Variants in ROBO1 observed in about 807,000 individuals in gnomAD.
ROBO1 encodes roundabout homolog 1.
In ROBO1, 149 loss-of-function variants were observed where a neutral mutation model predicts 195.9. The ratio of observed to expected loss-of-function variants is 0.76; its 90% CI spans 0.67 to 0.87. The LOEUF (loss-of-function observed/expected upper bound fraction) is 0.87. ROBO1 is among the 40% of genes least tolerant of loss of function. ROBO1 has a pLI of 0.00. For missense variants in ROBO1, 1,933 were observed against 2,068.3 expected, an observed-to-expected ratio of 0.93 and a Z score of 1.27; for synonymous variants, 816 against 733.2, an observed-to-expected ratio of 1.11 and a Z score of -1.82.
chr3:78,675,523 C>T (rs1414681894), intron 10 of ROBO1, among the ~76,000 whole-genome samples: 1 of 152,162 alleles, frequency 6.6e-6, no homozygotes. Flanking sequence ...ATATCCCGCA[C>T]TTGGCTCGGA....
intron 2 of ROBO1, among the ~76,000 whole-genome samples, chr3:79,257,049 G>A (rs894020893): frequency 5.9e-5 from 9 of 152,088 alleles, no homozygotes; most frequent in East Asian, 3.9e-4. Flanking sequence ...CATCTTCACA[G>A]ATTAAAAATT....
At chr3:79,766,103 A>G (rs1234037877) in intron 1 of ROBO1, among the ~76,000 whole-genome samples, 1 of 129,074 alleles carries the variant, frequency 7.7e-6, no homozygotes, top group East Asian at 2.4e-4. Context: ...CCCTTCATCT[A>G]TAGAAGGAGC....
chr3:78,646,051 A>C, intron 21 of ROBO1, 97 bp downstream of exon 21: 2 of 1,091,044 alleles, frequency 1.8e-6, no homozygotes, highest in African/African-American at 1.6e-5. Flanking sequence ...TCCACCTTTA[A>C]GTTAGACTTT....
intron 2 of ROBO1, among the ~76,000 whole-genome samples, chr3:79,440,665 T>C (rs1055307537): frequency 2.6e-5 from 4 of 152,118 alleles, no homozygotes; most frequent in Non-Finnish European, 5.9e-5. Flanking sequence ...CCTTGAACCA[T>C]AGATACTGTG....
intron 3 of ROBO1, among the ~76,000 whole-genome samples, chr3:79,024,051 A>G (rs1279241271): frequency 6.6e-6 from 1 of 152,084 alleles, no homozygotes; most frequent in Non-Finnish European, 1.5e-5. Context: ...GATACTGTAA[A>G]GGACCATCAT....
intron 2 of ROBO1, among the ~76,000 whole-genome samples, chr3:79,222,016 T>A (rs916298530): frequency 8.5e-5 from 13 of 152,050 alleles, no homozygotes; most frequent in African/African-American, 3.1e-4. Context: ...GGGCTTTCGA[T>A]AGTGTGGCAA....
chr3:79,440,244 G>A (rs1415446265), intron 2 of ROBO1, among the ~76,000 whole-genome samples: 2 of 152,008 alleles, frequency 1.3e-5, no homozygotes, highest in Non-Finnish European at 2.9e-5. Context: ...TGTCATGAAA[G>A]TATGTCATGA....
chr3:79,237,412 C>A (rs1299132772), intron 2 of ROBO1, among the ~76,000 whole-genome samples: 2 of 151,262 alleles, frequency 1.3e-5, no homozygotes, highest in Non-Finnish European at 2.9e-5. Flanking sequence ...ACCCAGGAGG[C>A]GGAGCTTGCA....
At chr3:79,353,368 T>C (rs2035419088) in intron 2 of ROBO1, among the ~76,000 whole-genome samples, 1 of 148,286 alleles carries the variant, frequency 6.7e-6, no homozygotes, top group Admixed American at 6.8e-5. Flanking sequence ...AGAATTAACC[T>C]CAAAAAAAGA....
rs2084245430 is a variant in ROBO1, at chr3:78,798,238, G to T, written c.500-51338C>A. Among the ~76,000 whole-genome samples the T allele has an allele frequency of 4.6e-5, 7 of 152,146 alleles. No individual in the cohort carries two copies. In the South Asian group the frequency reaches 1.5e-3, roughly 32 times the overall value. On this transcript the variant is annotated intron_variant, in intron 4 of 30. Transcript: ENST00000464233. ...GTAACTGTTACACTTAAATAAAATG[G>T]CTTTTCTTGAGGAAAACATACTACT... is the stretch of plus-strand genomic sequence containing the variant.
intron 2 of ROBO1, among the ~76,000 whole-genome samples, chr3:79,467,950 C>T (rs1009093259): frequency 1.1e-4 from 17 of 152,108 alleles, no homozygotes; most frequent in Middle Eastern, 3.2e-3. Context: ...ATCCTGTGAG[C>T]GGAGGTTAGG....
intron 2 of ROBO1, among the ~76,000 whole-genome samples, chr3:79,378,283 G>A (rs572440853): frequency 6.6e-6 from 1 of 151,936 alleles, no homozygotes; most frequent in East Asian, 1.9e-4. Flanking sequence ...GAACTAACTA[G>A]TCTGGGAAAC....
intron 4 of ROBO1, among the ~76,000 whole-genome samples, chr3:78,884,866 CTGTGTGTGTG>C (rs376764608): frequency 2.7e-5 from 4 of 147,288 alleles, no homozygotes; most frequent in African/African-American, 7.5e-5. Flanking sequence ...CTCTCTCTTT[CTGTGTGTGTG>C]TGTGTGTGTG....
chr3:78,621,701 G>A (rs1480588992), intron 26 of ROBO1, among the ~76,000 whole-genome samples: 5 of 152,168 alleles, frequency 3.3e-5, no homozygotes, highest in African/African-American at 7.2e-5. Context: ...ATTTCTCCCC[G>A]AGGGGTTTCA....
At chr3:79,646,402 G>A (rs996194462) in intron 1 of ROBO1, among the ~76,000 whole-genome samples, 2 of 152,000 alleles carry the variant, frequency 1.3e-5, no homozygotes, top group Non-Finnish European at 2.9e-5. Context: ...GAAAATGACA[G>A]GGAACAACAA....
chr3:79,653,654 C>T (rs753122660), intron 1 of ROBO1, among the ~76,000 whole-genome samples: 1 of 151,898 alleles, frequency 6.6e-6, no homozygotes, highest in South Asian at 2.1e-4. Context: ...GAAAGGCCAT[C>T]GGTAGATCGT....
In ROBO1 at chr3:79,741,571, T is replaced by C. The variant is rs185386120; in HGVS notation, c.-51+26181A>G. The stretch of plus-strand genomic sequence containing the variant: ...ATTGTAATATTAGCAGTTCTTACAG[T>C]AGCTTCCTTTATAACCAAAGATGCT... On this transcript the variant is annotated intron_variant, in intron 1 of 30. Transcript: ENST00000464233. Among the ~76,000 whole-genome samples, 194 of 152,312 alleles carry C rather than the reference T, an allele frequency of 1.3e-3. 1 individual carries two copies. Among genetic ancestry groups the C allele is most frequent in the African/African-American group, 4.4e-3 (182 of 41,564 alleles).
At chr3:78,956,816 C>T (rs775286512) in intron 3 of ROBO1, among the ~76,000 whole-genome samples, 12 of 152,172 alleles carry the variant, frequency 7.9e-5, no homozygotes, top group Non-Finnish European at 1.8e-4. Flanking sequence ...CTATACAAGG[C>T]TCTTGGCCCA....
At chr3:79,444,577 T>C (rs965313108) in intron 2 of ROBO1, among the ~76,000 whole-genome samples, 3 of 152,158 alleles carry the variant, frequency 2.0e-5, no homozygotes, top group Non-Finnish European at 4.4e-5. Flanking sequence ...CATTCATATG[T>C]CCTACAACCA....
Sources: allele counts gnomAD v4.1 joint callset (sites outside exome capture counted in the v4.1 genomes callset), GRCh38; gene constraint gnomAD v4.1.1; transcripts MANE v1.5; gene names NCBI Gene and HGNC (gene_info 2026-07-23, HGNC 2026-07-21).